INSL6: variants seen among roughly 807,000 people sequenced by gnomAD.
The protein encoded by INSL6 is insulin like 6.
Under a neutral mutation model 9.4 loss-of-function variants are expected in INSL6, and 16 were observed. The ratio of observed to expected loss-of-function variants is 1.70; its 90% CI spans 1.15 to 2.59. The LOEUF is 2.59. Ranked by LOEUF, INSL6 falls within the 30% of genes most tolerant of loss-of-function variation. The probability of loss-of-function intolerance (pLI) is 0.00; values close to 1 mark genes in which losing one functional copy is unlikely to be tolerated. For missense variants in INSL6, 391 were observed against 257.3 expected, an observed-to-expected ratio of 1.52 and a Z score of -3.56; for synonymous variants, 154 against 96.9, an observed-to-expected ratio of 1.59 and a Z score of -3.46.
At chr9:5,042,124 CT>C in the INSL6 span, among the ~76,000 whole-genome samples, 212 of 107,612 alleles carry the variant, frequency 2.0e-3, 1 homozygote, top group Admixed American at 0.01. Context: ...GCCAAAATTT[CT>C]TTTTTTTTTT....
intron 3 of INSL6, chr9:5,131,927 A>C (rs1323128479): frequency 1.3e-5 from 2 of 152,172 alleles, no homozygotes; most frequent in African/African-American, 4.8e-5. Context: ...GTTTTTTTAA[A>C]GGCTGTTATA....
chr9:5,103,517 C>T, the INSL6 span, among the ~76,000 whole-genome samples: 3 of 152,042 alleles, frequency 2.0e-5, no homozygotes, highest in African/African-American at 7.3e-5. Context: ...ATCAATGAGA[C>T]AGAAGGTTAA....
At chr9:5,051,153 A>C in the INSL6 span, among the ~76,000 whole-genome samples, 19 of 152,366 alleles carry the variant, frequency 1.2e-4, no homozygotes, top group South Asian at 3.7e-3. Context: ...TAGTCAACCT[A>C]TAATAAAAAA....
intron 1 of INSL6, among the ~76,000 whole-genome samples, chr9:5,172,788 C>T (rs765947953): frequency 1.3e-5 from 2 of 151,828 alleles, no homozygotes; most frequent in Non-Finnish European, 2.9e-5. Context: ...ATTAGCTGGG[C>T]GTGGTGGTGT....
the INSL6 span, among the ~76,000 whole-genome samples, chr9:5,115,550 T>G: frequency 6.6e-6 from 1 of 152,166 alleles, no homozygotes; most frequent in Non-Finnish European, 1.5e-5. Context: ...ACTGAGCAAT[T>G]CCATTACTGG....
the INSL6 span, among the ~76,000 whole-genome samples, chr9:5,118,263 TCC>T: frequency 6.6e-6 from 1 of 152,364 alleles, no homozygotes; most frequent in East Asian, 1.9e-4. Flanking sequence ...TTTGTATCAT[TCC>T]TTTTTCTCTT....
chr9:5,092,938 G>A, the INSL6 span, among the ~76,000 whole-genome samples: 24 of 152,144 alleles, frequency 1.6e-4, no homozygotes, highest in African/African-American at 5.3e-4. Context: ...CCTACAGAGA[G>A]TACAAAATAA....
the INSL6 span, chr9:5,086,250 G>A: frequency 7.3e-6 from 4 of 545,878 alleles, no homozygotes; most frequent in Non-Finnish European, 4.8e-6. Flanking sequence ...CGGTAGGATG[G>A]TGGCTCCGCC....
the INSL6 span, among the ~76,000 whole-genome samples, chr9:5,095,519 TAAC>T: frequency 1.3e-5 from 2 of 152,028 alleles, no homozygotes; most frequent in Non-Finnish European, 2.9e-5. Flanking sequence ...TCCTTAATAA[TAAC>T]AGCCCTAGTA....
At chr9:5,097,281 A>C in the INSL6 span, 97,636 of 152,038 alleles carry the variant, frequency 0.64, 33,424 homozygotes, top group African/African-American at 0.89. Flanking sequence ...CATTACCACA[A>C]TATTAACTGA....
chr9:5,168,779 A>G (rs927366984), intron 1 of INSL6, among the ~76,000 whole-genome samples: 5 of 147,368 alleles, frequency 3.4e-5, no homozygotes, highest in South Asian at 2.1e-4. Flanking sequence ...ACATATAATC[A>G]TCAGTTCTCC....
chr9:4,996,811 A>T, the INSL6 span, among the ~76,000 whole-genome samples: 1 of 152,086 alleles, frequency 6.6e-6, no homozygotes, highest in African/African-American at 2.4e-5. Flanking sequence ...ATATACCTCC[A>T]TTGTAGTAAG....
At chr9:5,167,139 G>A (rs1217094044) in intron 1 of INSL6, among the ~76,000 whole-genome samples, 1 of 152,180 alleles carries the variant, frequency 6.6e-6, no homozygotes, top group East Asian at 1.9e-4. Context: ...GGCCCACCTG[G>A]GAGCCAGCCA....
chr9:5,052,011 A>G, the INSL6 span, among the ~76,000 whole-genome samples: 1 of 152,146 alleles, frequency 6.6e-6, no homozygotes, highest in Admixed American at 6.6e-5. Flanking sequence ...CTTATTGAAT[A>G]CTTGCTGTAT....
chr9:5,131,531 G>C (rs1184888480), intron 3 of INSL6, among the ~76,000 whole-genome samples: 1 of 145,586 alleles, frequency 6.9e-6, no homozygotes, highest in Non-Finnish European at 1.5e-5. Context: ...TCCACCTCCT[G>C]GGTTCAAGTG....
At position 5,164,000 on chromosome 9, in the gene INSL6, T is replaced by C. The variant is rs148329210; in HGVS notation, c.555A>G (p.Lys185=). The C allele has an allele frequency of 8.7e-6, 14 of 1,613,208 alleles. No homozygotes were observed. In the African/African-American group the frequency reaches 1.6e-4, roughly 18 times the overall value. ...SEKCCLTGCT[K]EELSIACLPY... ...GAAGACATGCAATGCTAAGTTCTTC[T>C]TTTGTACATCCTGTAAGACAACACT... The change falls in exon 2 of 2, where the codon AAA becomes AAG. Residue 185 remains lysine, a synonymous_variant. Transcript: ENST00000381641.
chr9:5,161,866 G>C (rs1276992479), downstream of INSL6, among the ~76,000 whole-genome samples: 1 of 152,034 alleles, frequency 6.6e-6, no homozygotes, highest in Non-Finnish European at 1.5e-5. Flanking sequence ...GATCACTTGA[G>C]GCCAGGAGCC....
chr9:4,992,295 GAATT>G, the INSL6 span, among the ~76,000 whole-genome samples: 1 of 152,256 alleles, frequency 6.6e-6, no homozygotes, highest in Admixed American at 6.5e-5. Flanking sequence ...GGTGAGTAGA[GAATT>G]AAAAGTGAGT....
the INSL6 span, among the ~76,000 whole-genome samples, chr9:5,052,245 T>G: frequency 3.9e-5 from 6 of 152,124 alleles, no homozygotes; most frequent in Admixed American, 1.3e-4. Context: ...CTATGTAGAT[T>G]GTAGTTTCTT....
Sources: allele counts gnomAD v4.1 joint callset (sites outside exome capture counted in the v4.1 genomes callset), GRCh38; gene constraint gnomAD v4.1.1; transcripts MANE v1.5; gene names NCBI Gene and HGNC (gene_info 2026-07-23, HGNC 2026-07-21).